The following ADARB2 variants were observed in gnomAD, a reference collection of about 807,000 sequenced individuals.
ADARB2 encodes the protein inactive double-stranded RNA-specific editase B2.
In ADARB2, 25 loss-of-function variants were observed where a neutral mutation model predicts 62.2. The observed-to-expected ratio is 0.40, with a 90% confidence interval of 0.29 to 0.56. The LOEUF is 0.56. Ranked by LOEUF, ADARB2 falls within the 20% of genes least tolerant of loss-of-function variation. The pLI is 0.43. For synonymous variants in ADARB2, 572 were observed against 500.8 expected (o/e 1.14, Z -1.90); for missense variants, 1,071 against 1,077.4 (o/e 0.99, Z 0.08).
chr10:1,430,483 C>G (rs1382354541), intron 1 of ADARB2, among the ~76,000 whole-genome samples: 1 of 152,102 alleles, frequency 6.6e-6, no homozygotes, highest in East Asian at 1.9e-4. Context: ...AAACATGATT[C>G]AACAATATGC....
chr10:1,298,070 A>G (rs1045153672), intron 3 of ADARB2, among the ~76,000 whole-genome samples: 1 of 152,156 alleles, frequency 6.6e-6, no homozygotes, highest in Non-Finnish European at 1.5e-5. Flanking sequence ...CCTCCCTCCT[A>G]TTTGAGATAG....
chr10:1,254,351 A>G (rs1004529115), intron 4 of ADARB2, among the ~76,000 whole-genome samples: 1 of 152,190 alleles, frequency 6.6e-6, no homozygotes, highest in Admixed American at 6.5e-5. Context: ...CTGAGTGGAG[A>G]TGATGGGTAG....
At chr10:1,204,349 G>A (rs1837023368) in intron 7 of ADARB2, among the ~76,000 whole-genome samples, 1 of 152,180 alleles carries the variant, frequency 6.6e-6, no homozygotes, top group Non-Finnish European at 1.5e-5. Flanking sequence ...ATATGGATGG[G>A]GCCAGTCTTG....
chr10:1,694,028 AT>A (rs1165191401), intron 1 of ADARB2, among the ~76,000 whole-genome samples: 2 of 152,204 alleles, frequency 1.3e-5, no homozygotes, highest in Non-Finnish European at 2.9e-5. Context: ...TAAAACTTAA[AT>A]CTTTCTCTAG....
intron 3 of ADARB2, among the ~76,000 whole-genome samples, chr10:1,275,658 TC>T (rs1465357057): frequency 2.1e-5 from 1 of 46,544 alleles, no homozygotes; most frequent in Non-Finnish European, 3.9e-5. Context: ...CCCTCCCCCC[TC>T]CCCCCACCCC....
At chr10:1,432,785 G>T (rs937298493) in intron 1 of ADARB2, among the ~76,000 whole-genome samples, 2 of 152,048 alleles carry the variant, frequency 1.3e-5, no homozygotes, top group Non-Finnish European at 2.9e-5. Flanking sequence ...CTTTTGCTTT[G>T]CATTGTTATT....
intron 1 of ADARB2, among the ~76,000 whole-genome samples, chr10:1,627,582 G>A (rs1833786702): frequency 1.3e-5 from 2 of 152,258 alleles, no homozygotes; most frequent in South Asian, 2.1e-4. Flanking sequence ...CACAGCCATG[G>A]CCATGACATC....
At chr10:1,525,804 T>C (rs1301712362) in intron 1 of ADARB2, among the ~76,000 whole-genome samples, 1 of 152,122 alleles carries the variant, frequency 6.6e-6, no homozygotes, top group Non-Finnish European at 1.5e-5. Context: ...TATGTGCGTA[T>C]GTGAGCATGT....
intron 1 of ADARB2, among the ~76,000 whole-genome samples, chr10:1,715,984 C>T (rs562946573): frequency 5.3e-5 from 8 of 152,224 alleles, no homozygotes; most frequent in African/African-American, 1.4e-4. Flanking sequence ...CCACAACTCA[C>T]GCCCAGCTGC....
chr10:1,702,876 T>A (rs11814309), intron 1 of ADARB2, among the ~76,000 whole-genome samples: 18,325 of 152,292 alleles, frequency 0.12, 1,217 homozygotes, highest in Non-Finnish European at 0.15. Flanking sequence ...ATTCAAGGTA[T>A]GAACCACTTG....
intron 1 of ADARB2, among the ~76,000 whole-genome samples, chr10:1,417,624 G>A (rs1418706239): frequency 6.6e-6 from 1 of 152,220 alleles, no homozygotes; most frequent in Admixed American, 6.5e-5. Flanking sequence ...ACAGGAGTCT[G>A]TGCTCTCTTT....
chr10:1,462,712 C>T (rs757451461), intron 1 of ADARB2, among the ~76,000 whole-genome samples: 5 of 151,414 alleles, frequency 3.3e-5, no homozygotes, highest in Non-Finnish European at 7.4e-5. Context: ...TGTGTATGTG[C>T]ATGACTGTAT....
intron 1 of ADARB2, among the ~76,000 whole-genome samples, chr10:1,496,281 T>C (rs1443418114): frequency 1.3e-5 from 2 of 151,864 alleles, no homozygotes; most frequent in African/African-American, 4.8e-5. Flanking sequence ...ATCAACTTTA[T>C]CATCATCATA....
rs1179789871 is a variant in ADARB2, at chr10:1,398,900, T to C, written c.101-19740A>G. On this transcript the variant is annotated intron_variant, in intron 1 of 9. Transcript: ENST00000381312. The surrounding 1 kb of genome is among the most constrained non-coding windows in gnomAD (Gnocchi z 4.1). Reference sequence around the variant, plus strand: ...GCTCTGTCTTTGGGGTCTTGATGGGTAGAGTGGTTTGCCAGAGAACCACCG... The same window carrying C: ...GCTCTGTCTTTGGGGTCTTGATGGGCAGAGTGGTTTGCCAGAGAACCACCG... Among the ~76,000 whole-genome samples the C allele has an allele frequency of 1.3e-5, 2 of 152,026 alleles. No individual in the cohort carries two copies. The highest frequency in any genetic ancestry group is 4.8e-5 in the African/African-American group (2 of 41,386).
At chr10:1,630,614 C>G (rs563771664) in intron 1 of ADARB2, among the ~76,000 whole-genome samples, 1 of 152,034 alleles carries the variant, frequency 6.6e-6, no homozygotes, top group Non-Finnish European at 1.5e-5. Flanking sequence ...AGAGAAATGG[C>G]GACTCTATGA....
intron 4 of ADARB2, among the ~76,000 whole-genome samples, chr10:1,264,555 C>CA (rs1290520770): frequency 6.6e-6 from 1 of 152,196 alleles, no homozygotes; most frequent in Non-Finnish European, 1.5e-5. Context: ...ATTCTTTATT[C>CA]AAGCCGAAAG....
chr10:1,256,625 G>A (rs925637814), intron 4 of ADARB2, among the ~76,000 whole-genome samples: 4 of 152,138 alleles, frequency 2.6e-5, no homozygotes, highest in Non-Finnish European at 4.4e-5. Flanking sequence ...GGGGCCAGGC[G>A]AGCTTATGAG....
chr10:1,227,032 A>C (rs1234817872), intron 6 of ADARB2, among the ~76,000 whole-genome samples: 1 of 152,224 alleles, frequency 6.6e-6, no homozygotes. Context: ...GGCCTCCTTA[A>C]GCTGTGGTGG....
At chr10:1,569,092 C>G (rs556052134) in intron 1 of ADARB2, among the ~76,000 whole-genome samples, 2 of 150,434 alleles carry the variant, frequency 1.3e-5, no homozygotes, top group African/African-American at 4.9e-5. Context: ...CAGAGACAGA[C>G]AGAGAGAGAC....
Sources: gnomAD v4.1 joint callset for allele counts (sites outside exome capture counted in the v4.1 genomes callset) on GRCh38, gnomAD v4.1.1 for gene constraint, Gnocchi (gnomAD v3.1) non-coding constraint, MANE v1.5 for transcripts, NCBI Gene and HGNC (gene_info 2026-07-23, HGNC 2026-07-21) for gene names.